Variants in ROBO1 observed in about 807,000 individuals in gnomAD.
The protein encoded by ROBO1 is roundabout homolog 1.
In ROBO1, 149 loss-of-function variants were observed where a neutral mutation model predicts 195.9. The ratio of observed to expected loss-of-function variants is 0.76; its 90% CI spans 0.67 to 0.87. ROBO1 has a LOEUF of 0.87. Among genes scored for constraint, ROBO1 ranks in the 40% least tolerant of loss-of-function variants. The probability of loss-of-function intolerance (pLI) is 0.00; values close to 1 mark genes in which losing one functional copy is unlikely to be tolerated. For synonymous variants in ROBO1, 816 were observed against 733.2 expected, an observed-to-expected ratio of 1.11 and a Z score of -1.82; for missense variants, 1,933 against 2,068.3, an observed-to-expected ratio of 0.93 and a Z score of 1.27.
At chr3:79,673,313 T>C (rs1946684384) in intron 1 of ROBO1, among the ~76,000 whole-genome samples, 1 of 152,016 alleles carries the variant, frequency 6.6e-6, no homozygotes, top group Non-Finnish European at 1.5e-5. Context: ...ATGAATGTTT[T>C]ATATGTGTGT....
At chr3:79,073,931 C>T (rs939452169) in intron 3 of ROBO1, among the ~76,000 whole-genome samples, 1 of 150,602 alleles carries the variant, frequency 6.6e-6, no homozygotes, top group Non-Finnish European at 1.5e-5. Flanking sequence ...AGATATATAA[C>T]AGCAATAAAC....
chr3:78,759,996 G>T (rs2083053853), intron 4 of ROBO1, among the ~76,000 whole-genome samples: 1 of 152,166 alleles, frequency 6.6e-6, no homozygotes, highest in African/African-American at 2.4e-5. Flanking sequence ...ATTCCCACGT[G>T]TTGTGGGAGG....
intron 3 of ROBO1, among the ~76,000 whole-genome samples, chr3:79,009,097 C>T (rs1174279760): frequency 1.3e-5 from 2 of 149,076 alleles, no homozygotes; most frequent in Admixed American, 6.7e-5. Flanking sequence ...CCCACCACAA[C>T]GCCCAGCTAA....
At chr3:78,859,214 T>C (rs773788390) in intron 4 of ROBO1, among the ~76,000 whole-genome samples, 5 of 152,240 alleles carry the variant, frequency 3.3e-5, no homozygotes, top group Non-Finnish European at 7.4e-5. Flanking sequence ...GTTCTGCCAA[T>C]AGAATAAATG....
chr3:78,984,421 T>A (rs2077060704), intron 3 of ROBO1, among the ~76,000 whole-genome samples: 1 of 152,074 alleles, frequency 6.6e-6, no homozygotes, highest in Admixed American at 6.6e-5. Context: ...CAGCTAAGAG[T>A]TTGTTTCAAT....
At chr3:79,075,036 A>G (rs2079149282) in intron 3 of ROBO1, among the ~76,000 whole-genome samples, 1 of 151,902 alleles carries the variant, frequency 6.6e-6, no homozygotes, top group South Asian at 2.1e-4. Flanking sequence ...TATCCACAGA[A>G]ACTTTCATAA....
At chr3:78,935,772 TAATC>T (rs955924308) in intron 4 of ROBO1, among the ~76,000 whole-genome samples, 5 of 152,024 alleles carry the variant, frequency 3.3e-5, no homozygotes, top group Admixed American at 6.6e-5. Context: ...CAAAGAAAAA[TAATC>T]AATAAAAAAT....
chr3:78,988,846 G>A (rs2077171572), intron 3 of ROBO1, among the ~76,000 whole-genome samples: 1 of 152,068 alleles, frequency 6.6e-6, no homozygotes, highest in Admixed American at 6.6e-5. Flanking sequence ...GAAAGACACT[G>A]GTATGGAAAG....
At chr3:79,189,103 T>C (rs1040194752) in intron 2 of ROBO1, among the ~76,000 whole-genome samples, 4 of 151,822 alleles carry the variant, frequency 2.6e-5, no homozygotes, top group African/African-American at 9.7e-5. Context: ...GCCCAGTTTA[T>C]AGTATTTGTT....
intron 2 of ROBO1, among the ~76,000 whole-genome samples, chr3:79,156,085 T>C (rs1261371900): frequency 6.6e-6 from 1 of 151,742 alleles, no homozygotes; most frequent in Admixed American, 6.6e-5. Context: ...CCCTTAGTCC[T>C]AGCCATGCTA....
At chr3:79,583,323 A>G (rs1943718437) in intron 2 of ROBO1, among the ~76,000 whole-genome samples, 1 of 152,032 alleles carries the variant, frequency 6.6e-6, no homozygotes, top group Non-Finnish European at 1.5e-5. Flanking sequence ...TACATATGCC[A>G]TAATGATTAA....
At chr3:79,715,328 C>A (rs1304181356) in intron 1 of ROBO1, among the ~76,000 whole-genome samples, 1 of 152,062 alleles carries the variant, frequency 6.6e-6, no homozygotes, top group Non-Finnish European at 1.5e-5. Context: ...AAGAGCCAAT[C>A]AATGCAGCAA....
At chr3:79,076,586 A>G (rs1385059457) in intron 3 of ROBO1, among the ~76,000 whole-genome samples, 1 of 151,666 alleles carries the variant, frequency 6.6e-6, no homozygotes, top group East Asian at 1.9e-4. Context: ...TTTTCAGGGG[A>G]TTTATTGAAA....
intron 4 of ROBO1, among the ~76,000 whole-genome samples, chr3:78,777,646 G>T (rs752588898): frequency 3.3e-5 from 5 of 152,118 alleles, no homozygotes; most frequent in Non-Finnish European, 5.9e-5. Context: ...TTAATTTAAA[G>T]GAGGAGCCAA....
intron 1 of ROBO1, among the ~76,000 whole-genome samples, chr3:79,600,065 T>C (rs1644054883): frequency 6.6e-6 from 1 of 152,012 alleles, no homozygotes; most frequent in Non-Finnish European, 1.5e-5. Flanking sequence ...CAAAATGCTG[T>C]GCTTACACTA....
At chr3:79,202,014 C>A (rs2081774597) in intron 2 of ROBO1, among the ~76,000 whole-genome samples, 1 of 151,670 alleles carries the variant, frequency 6.6e-6, no homozygotes, top group Admixed American at 6.6e-5. Context: ...CCTGATAACT[C>A]TTATTTGCCC....
intron 11 of ROBO1, among the ~76,000 whole-genome samples, chr3:78,669,862 T>C (rs1444789275): frequency 6.6e-6 from 1 of 152,220 alleles, no homozygotes; most frequent in African/African-American, 2.4e-5. Context: ...TTAGAAATCC[T>C]TTCTTCTCCT....
intron 2 of ROBO1, among the ~76,000 whole-genome samples, chr3:79,578,710 T>C (rs1354548473): frequency 6.6e-6 from 1 of 152,180 alleles, no homozygotes; most frequent in Non-Finnish European, 1.5e-5. Context: ...TTCAGCTCAG[T>C]GCATACTAAA....
In ROBO1 at chr3:79,245,457, G is replaced by C. The variant is rs116618304; in HGVS notation, c.89-119918C>G. On this transcript the variant is annotated intron_variant, in intron 2 of 30. Coordinates refer to ENST00000464233, the MANE Select transcript of ROBO1 (RefSeq NM_002941.4). Reference sequence around the variant, plus strand: ...TATGCATTCATCCACTTGAGTATTGGAGACTTGCCTCTATCATGAACTCTT... The same window carrying C: ...TATGCATTCATCCACTTGAGTATTGCAGACTTGCCTCTATCATGAACTCTT... 4.6e-3 allele frequency among the ~76,000 whole-genome samples: 693 copies of C among 152,072 alleles called. 5 individuals carry two copies. The highest frequency in any genetic ancestry group is 0.016 in the African/African-American group (664 of 41,526).
Sources: allele counts gnomAD v4.1 joint callset (sites outside exome capture counted in the v4.1 genomes callset), GRCh38; gene constraint gnomAD v4.1.1; transcripts MANE v1.5; gene names NCBI Gene and HGNC (gene_info 2026-07-23, HGNC 2026-07-21).